The following TRIM16 variants were observed in gnomAD, a reference collection of about 807,000 sequenced individuals.
TRIM16 encodes the protein tripartite motif containing 16.
Under a neutral mutation model 50.4 loss-of-function variants are expected in TRIM16, and 33 were observed. The ratio of observed to expected loss-of-function variants is 0.65; its 90% CI spans 0.50 to 0.88. TRIM16 has a LOEUF of 0.88. Ranked by LOEUF, TRIM16 falls within the 40% of genes least tolerant of loss-of-function variation. The pLI, the probability that TRIM16 is intolerant of heterozygous loss-of-function variation, is 0.00. For synonymous variants in TRIM16, 229 were observed against 270.7 expected (o/e 0.85, Z 1.51); for missense variants, 581 against 686.8 (o/e 0.85, Z 1.72).
At chr17:15,681,987 T>C (rs1308978839) in intron 3 of TRIM16, among the ~76,000 whole-genome samples, 1 of 152,234 alleles carries the variant, frequency 6.6e-6, no homozygotes, top group Non-Finnish European at 1.5e-5. Flanking sequence ...GCCTGCCTAC[T>C]GCCTTTACAT....
chr17:15,679,609 T>C (rs937313755), intron 4 of TRIM16, among the ~76,000 whole-genome samples: 5 of 152,202 alleles, frequency 3.3e-5, no homozygotes, highest in African/African-American at 1.2e-4. Context: ...TTCAGTTAAG[T>C]TGAGAGAGAC....
intron 6 of TRIM16, among the ~76,000 whole-genome samples, chr17:15,659,419 T>C (rs1988120817): frequency 1.3e-5 from 2 of 152,072 alleles, no homozygotes; most frequent in South Asian, 4.2e-4. Context: ...GAGTCTGCAA[T>C]GCCCTGGAAA....
chr17:15,632,756 G>A (rs536868510), intron 9 of TRIM16, 82 bp from the exon 10 acceptor site: 131 of 1,414,540 alleles, frequency 9.3e-5, no homozygotes, highest in Non-Finnish European at 1.2e-4. Flanking sequence ...GTCACTTTTT[G>A]CATCTGTAAA....
intron 9 of TRIM16, among the ~76,000 whole-genome samples, chr17:15,634,335 A>T (rs1482250143): frequency 1.4e-5 from 2 of 144,460 alleles, no homozygotes; most frequent in Admixed American, 6.8e-5. Context: ...GTCTCGAAAA[A>T]ACAAAAAAAA....
intron 6 of TRIM16, among the ~76,000 whole-genome samples, chr17:15,663,877 G>GGTT (rs1227345231): frequency 3.9e-5 from 6 of 152,216 alleles, no homozygotes; most frequent in African/African-American, 1.4e-4. Context: ...ATCAGCCCAG[G>GGTT]ATGCAGTATT....
intron 8 of TRIM16, among the ~76,000 whole-genome samples, chr17:15,638,870 TGGCTCAGGCCCTGGCTTAGGCCAG>T (rs1323293201): frequency 6.9e-6 from 1 of 144,590 alleles, no homozygotes; most frequent in Non-Finnish European, 1.5e-5. Flanking sequence ...GTCTTCTGCC[TGGCTCAGGCCCTGGCTTAGGCCAG>T]GGCTCAGCAA....
At chr17:15,652,633 G>A (rs1352186780) in intron 6 of TRIM16, among the ~76,000 whole-genome samples, 2 of 151,306 alleles carry the variant, frequency 1.3e-5, no homozygotes, top group Admixed American at 6.6e-5. Flanking sequence ...GCTCATTTTT[G>A]TATTATTAGT....
At chr17:15,673,456 G>A (rs1179443126) in intron 6 of TRIM16, among the ~76,000 whole-genome samples, 1 of 152,214 alleles carries the variant, frequency 6.6e-6, no homozygotes. Flanking sequence ...GGTGAGGAGA[G>A]AGAGTTCAGA....
chr17:15,681,654 ATT>A (rs1989188040), intron 3 of TRIM16, among the ~76,000 whole-genome samples: 1 of 151,908 alleles, frequency 6.6e-6, no homozygotes, highest in Admixed American at 6.6e-5. Context: ...CTCCATTTTG[ATT>A]TTTTTGCCTG....
chr17:15,628,759 A>G lies in TRIM16; in HGVS notation c.1551T>C (p.Thr517=). ...SFYGVEYDTM[T]LVHKFACKFS... ...ATTTGCAGGCAAACTTGTGAACCAGAGTCATGGTATCATACTCTACGCCAT... is the reference window on the plus strand; with the variant it reads ...ATTTGCAGGCAAACTTGTGAACCAGGGTCATGGTATCATACTCTACGCCAT... Residue 517 remains threonine (T), a synonymous_variant, in exon 12 of 12, where the codon ACT becomes ACC. Transcript: ENST00000649191. 6.2e-7 allele frequency: 1 copy of G among 1,614,166 alleles called. No individual in the cohort carries two copies. The highest frequency in any genetic ancestry group is 8.5e-7 in the Non-Finnish European group (1 of 1,180,040).
intron 7 of TRIM16, among the ~76,000 whole-genome samples, chr17:15,644,538 A>G (rs1008253984): frequency 1.2e-4 from 18 of 152,276 alleles, no homozygotes; most frequent in African/African-American, 4.1e-4. Flanking sequence ...GATTGATTAC[A>G]TCACTGGCCA....
intron 6 of TRIM16, among the ~76,000 whole-genome samples, chr17:15,653,136 A>G (rs2150920955): frequency 6.6e-6 from 1 of 152,048 alleles, no homozygotes; most frequent in Admixed American, 6.5e-5. Flanking sequence ...TAGCTGCCAC[A>G]AGATCTGATT....
At position 15,682,507 on chromosome 17, in the gene TRIM16, G is replaced by A. The variant is rs569083590; in HGVS notation, c.-679+347C>T. Among the ~76,000 whole-genome samples the A allele has an allele frequency of 5.9e-3, 893 of 152,340 alleles. 8 individuals are homozygous for A. The highest frequency in any genetic ancestry group is 0.02 in the African/African-American group (844 of 41,584). ...CCTTTGTATCTCCTTAAGACAAAGC[G>A]CTTTTTAAGAGAAAACTGAAAGAGA... is the stretch of plus-strand genomic sequence containing the variant. On this transcript the variant is annotated intron_variant, in intron 3 of 11. Transcript: ENST00000649191.
chr17:15,655,605 C>T (rs1324724960), intron 6 of TRIM16, among the ~76,000 whole-genome samples: 3 of 151,418 alleles, frequency 2.0e-5, no homozygotes, highest in Non-Finnish European at 2.9e-5. Context: ...GACGGAGTAT[C>T]GCTCTGTCGC....
intron 6 of TRIM16, among the ~76,000 whole-genome samples, chr17:15,667,604 T>G (rs938981387): frequency 3.3e-5 from 5 of 152,226 alleles, no homozygotes; most frequent in Non-Finnish European, 7.3e-5. Flanking sequence ...TTCTTCTTCC[T>G]ATATGTTTTG....
chr17:15,628,470 A>G lies in TRIM16; in HGVS notation c.*145T>C, dbSNP rs548011077. ...AACAGCACCATATGGAGCAAAAGAG[A>G]GCAGCTGGAGAATGTTTTCATTCAG... is the stretch of plus-strand genomic sequence containing the variant. On this transcript the variant is annotated 3_prime_UTR_variant, in exon 12 of 12. Coordinates refer to ENST00000649191, the MANE Select transcript of TRIM16 (RefSeq NM_001348119.1). The G allele has an allele frequency of 1.2e-4, 78 of 641,914 alleles. No individual in the cohort carries two copies. Among genetic ancestry groups the G allele is most frequent in the Non-Finnish European group, 1.8e-4 (68 of 376,222 alleles). 39.8% of individuals were successfully genotyped at this position (641,914 alleles called of 1,614,324 possible).
At chr17:15,680,292 C>T (rs397748478) in intron 4 of TRIM16, among the ~76,000 whole-genome samples, 13 of 148,706 alleles carry the variant, frequency 8.7e-5, no homozygotes, top group Admixed American at 2.0e-4. Flanking sequence ...CCTCCAAGTC[C>T]ATACAGCATT....
chr17:15,663,109 C>A (rs181579586), intron 6 of TRIM16, among the ~76,000 whole-genome samples: 1 of 152,200 alleles, frequency 6.6e-6, no homozygotes, highest in Non-Finnish European at 1.5e-5. Context: ...GCACAATACC[C>A]CCTCAGGAAC....
In TRIM16 at chr17:15,682,717, C is replaced by A. The variant is rs145601824; in HGVS notation, c.-679+137G>T. ...ATTTCTTTCTTCTCTTCCAAGGAGTCCGACTTATCCCCCCTTATCCTTCAG... is the reference window on the plus strand; with the variant it reads ...ATTTCTTTCTTCTCTTCCAAGGAGTACGACTTATCCCCCCTTATCCTTCAG... On this transcript the variant is annotated intron_variant, in intron 3 of 11. Transcript: ENST00000649191. 3.0e-5 allele frequency: 25 copies of A among 820,202 alleles called. No individual in the cohort carries two copies. In the East Asian group the frequency reaches 1.4e-3, roughly 46 times the overall value. 50.8% of individuals were successfully genotyped at this position (820,202 alleles called of 1,614,324 possible).
Sources: allele counts gnomAD v4.1 joint callset (sites outside exome capture counted in the v4.1 genomes callset), GRCh38; gene constraint gnomAD v4.1.1; transcripts MANE v1.5; gene names NCBI Gene and HGNC (gene_info 2026-07-23, HGNC 2026-07-21).